The following SNX20 variants were observed in gnomAD, a reference collection of about 807,000 sequenced individuals.
SNX20 encodes the protein sorting nexin 20, also known as sorting nexin-20.
SNX20 carries 21 observed loss-of-function variants against 24.5 expected under a neutral mutation model. That is an observed-to-expected ratio of 0.86 (90% CI 0.61 to 1.23). The LOEUF is 1.23. SNX20 is among the 50% of genes most tolerant of loss of function. The probability of loss-of-function intolerance (pLI) is 0.00; values close to 1 mark genes in which losing one functional copy is unlikely to be tolerated. For missense variants in SNX20, 433 were observed against 430.8 expected (o/e 1.00, Z -0.04); for synonymous variants, 206 against 192.8 (o/e 1.07, Z -0.57).
chr16:50,669,082 C>T (rs1449821389), downstream of SNX20: 2 of 1,550,978 alleles, frequency 1.3e-6, no homozygotes, highest in Non-Finnish European at 1.7e-6. Flanking sequence ...GGGTCTGGTT[C>T]TGGTGCTGTC....
chr16:50,667,587 T>C (rs545993035), downstream of SNX20: 1 of 230,158 alleles, frequency 4.3e-6, no homozygotes, highest in Admixed American at 5.1e-5. Flanking sequence ...GCCTGAGACA[T>C]CGTAGGAGTG....
chr16:50,673,925 G>C lies in SNX20; in HGVS notation c.432C>G (p.His144Gln). Residue 144 changes from histidine to glutamine, a missense_variant, in exon 4 of 4, where the codon CAC becomes CAG. Transcript: ENST00000330943. The surrounding 1 kb of genome is among the most constrained non-coding windows in gnomAD (Gnocchi z 4.1). Reference protein sequence around the residue: ...EIEDVEFPRKHLTGNFAEEMI... With the variant: ...EIEDVEFPRKQLTGNFAEEMI... ...TCTCCTCAGCGAAGTTCCCAGTCAG[G>C]TGCTTCCTGGGAAACTCCACGTCTT... is the stretch of plus-strand genomic sequence containing the variant. 1 of 1,612,402 alleles carries C rather than the reference G, an allele frequency of 6.2e-7. No homozygotes were observed. Among genetic ancestry groups the C allele is most frequent in the Non-Finnish European group, 8.5e-7 (1 of 1,179,674 alleles).
In SNX20 at chr16:50,673,320, A is replaced by G; in HGVS notation, c.*86T>C. On this transcript the variant is annotated 3_prime_UTR_variant, in exon 4 of 4. Transcript: ENST00000330943. This position sits in a 1 kb window ranked among gnomAD's most constrained non-coding sequence, Gnocchi z 4.1. ...TCTCAAATAACAAAAAAGAAAAGGAAAAATAAAAAAAAAGAACCCCAAACA... is the reference window on the plus strand; with the variant it reads ...TCTCAAATAACAAAAAAGAAAAGGAGAAATAAAAAAAAAGAACCCCAAACA... 1.4e-6 allele frequency: 2 copies of G among 1,396,128 alleles called. No individual in the cohort carries two copies. 86.5% of individuals were successfully genotyped at this position (1,396,128 alleles called of 1,614,324 possible). A position where few individuals can be genotyped will look rare whatever the true frequency, so the allele number is the denominator to read the frequency against.
At position 50,673,389 on chromosome 16, in the gene SNX20, C is replaced by A; in HGVS notation, c.*17G>T. The A allele has an allele frequency of 6.8e-7, 1 of 1,470,960 alleles. No homozygotes were observed. 91.1% of individuals were successfully genotyped at this position (1,470,960 alleles called of 1,614,324 possible). A position where few individuals can be genotyped will look rare whatever the true frequency, so the allele number is the denominator to read the frequency against. The stretch of plus-strand genomic sequence containing the variant: ...TGACCCCAAATCTCCAGCGTCCCTG[C>A]GGGGTCCCAGGCCGGCTCAGTGCAG... On this transcript the variant is annotated 3_prime_UTR_variant, in exon 4 of 4. Transcript: ENST00000330943. The surrounding 1 kb of genome is among the most constrained non-coding windows in gnomAD (Gnocchi z 4.1).
chr16:50,679,479 G>A (rs574640467), intron 1 of SNX20, among the ~76,000 whole-genome samples: 1 of 152,296 alleles, frequency 6.6e-6, no homozygotes, highest in Non-Finnish European at 1.5e-5. Context: ...AGGGACCCTC[G>A]ATCCAACCTC....
intron 1 of SNX20, among the ~76,000 whole-genome samples, chr16:50,678,009 C>T (rs140785449): frequency 2.0e-5 from 3 of 151,944 alleles, no homozygotes; most frequent in East Asian, 1.9e-4. Context: ...GAATTTGAGA[C>T]CAGCCTGGCC....
chr16:50,667,866 G>A (rs549931380), downstream of SNX20: 49 of 764,042 alleles, frequency 6.4e-5, no homozygotes, highest in African/African-American at 5.2e-4. Flanking sequence ...ATGAGGGCTC[G>A]GCGTGGGGAC....
At chr16:50,667,650 A>G (rs1962944509), downstream of SNX20, 1 of 294,164 alleles carries the variant, frequency 3.4e-6, no homozygotes, top group East Asian at 7.0e-5. Flanking sequence ...GGTTCCCAAC[A>G]CCAACACGCT....
intron 3 of SNX20, 104 bp from the exon 4 acceptor site, chr16:50,674,178 G>A: frequency 7.2e-7 from 1 of 1,380,576 alleles, no homozygotes; most frequent in Non-Finnish European, 9.5e-7. Context: ...AGCATGCCCT[G>A]AAAACGGGCG....
At chr16:50,678,846 G>A (rs1318110570) in intron 1 of SNX20, among the ~76,000 whole-genome samples, 1 of 152,202 alleles carries the variant, frequency 6.6e-6, no homozygotes, top group African/African-American at 2.4e-5. Flanking sequence ...CTGGGGTGAG[G>A]ATTCAGTCAG....
intron 1 of SNX20, among the ~76,000 whole-genome samples, chr16:50,677,940 C>T (rs1193378524): frequency 6.6e-6 from 1 of 152,196 alleles, no homozygotes; most frequent in African/African-American, 2.4e-5. Flanking sequence ...AACATGGCCA[C>T]TCATGCCTGT....
At position 50,675,825 on chromosome 16, in the gene SNX20, A is replaced by G; in HGVS notation, c.227T>C (p.Leu76Pro). The G allele has an allele frequency of 3.1e-6, 5 of 1,613,764 alleles. No individual in the cohort carries two copies. The highest frequency in any genetic ancestry group is 4.2e-6 in the Non-Finnish European group (5 of 1,179,864). The change falls in exon 3 of 4, where the codon CTG becomes CCG. Residue 76 changes from leucine (L) to proline (P), a missense_variant. Transcript: ENST00000330943. ...NQKCRWKHVK[L>P]LFEIASARIE... ...GCGAGCTGAAGCGATCTCAAAGAGC[A>G]GTTTGACGTGCTTCCAGCGGCATTT...
chr16:50,666,958 G>A (rs190212185), downstream of SNX20: 13 of 36,128 alleles, frequency 3.6e-4, no homozygotes, highest in East Asian at 6.9e-3. Context: ...GAGAGAGAGA[G>A]ATATGAGGTG....
chr16:50,670,564 G>C (rs1478792440), downstream of SNX20: 1 of 152,358 alleles, frequency 6.6e-6, no homozygotes, highest in African/African-American at 2.4e-5. Context: ...GACTAATACA[G>C]GTGGCGTGGG....
chr16:50,669,086 T>C, downstream of SNX20: 1 of 1,549,784 alleles, frequency 6.5e-7, no homozygotes. Flanking sequence ...CTGGTTCTGG[T>C]GCTGTCCCTG....
Position 50,677,414 on chromosome 16 carries a change from C to T in SNX20, c.113G>A (p.Gly38Glu), listed in dbSNP as rs1470588904. The T allele has an allele frequency of 6.2e-7, 1 of 1,601,548 alleles. No individual in the cohort carries two copies. The highest frequency in any genetic ancestry group is 1.3e-5 in the African/African-American group (1 of 74,352). ...AAGCCCACCTAAGTGCCCGTCAGGT[C>T]CTGGGTGCGGGAGGTCGGGGCCAGT... ...PATGPDLPHP[G>E]PDGHLDTHSG... Residue 38 changes from glycine (G) to glutamate (E), a missense_variant, in exon 2 of 4, where the codon GGA becomes GAA. Transcript: ENST00000330943.
chr16:50,668,030 A>G (rs1251252765), downstream of SNX20: 3 of 1,551,732 alleles, frequency 1.9e-6, no homozygotes, highest in South Asian at 3.6e-5. Flanking sequence ...GTGTGGCGTC[A>G]GGAGCCGGAG....
downstream of SNX20, chr16:50,667,956 T>C (rs1596786282): frequency 1.3e-6 from 2 of 1,502,564 alleles, no homozygotes; most frequent in Non-Finnish European, 1.8e-6. Context: ...CTCAAGGACA[T>C]ACTGCGGCTT....
intron 2 of SNX20, among the ~76,000 whole-genome samples, chr16:50,676,315 G>A (rs191108793): frequency 1.3e-5 from 2 of 152,004 alleles, no homozygotes; most frequent in East Asian, 3.9e-4. Flanking sequence ...CTGTTGCCAC[G>A]ACTCCTTGAG....
Sources: gnomAD v4.1 joint callset for allele counts (sites outside exome capture counted in the v4.1 genomes callset) on GRCh38, gnomAD v4.1.1 for gene constraint, Gnocchi (gnomAD v3.1) non-coding constraint, MANE v1.5 for transcripts, NCBI Gene and HGNC (gene_info 2026-07-23, HGNC 2026-07-21) for gene names.